Variants in TMC1 observed in about 807,000 individuals in gnomAD.
TMC1 encodes the protein transmembrane channel-like protein 1.
TMC1 carries 84 observed loss-of-function variants against 105.8 expected under a neutral mutation model. That is an observed-to-expected ratio of 0.79 (90% CI 0.67 to 0.95). The LOEUF (loss-of-function observed/expected upper bound fraction) is 0.95. Among genes scored for constraint, TMC1 ranks in the 40% least tolerant of loss-of-function variants. The probability of loss-of-function intolerance (pLI) is 0.00; values close to 1 mark genes in which losing one functional copy is unlikely to be tolerated. For missense variants in TMC1, 817 were observed against 914.1 expected (o/e 0.89, Z 1.37); for synonymous variants, 315 against 311.5 (o/e 1.01, Z -0.12).
intron 13 of TMC1, among the ~76,000 whole-genome samples, chr9:72,778,994 C>CCCCA (rs2118148101): frequency 6.6e-6 from 1 of 152,344 alleles, no homozygotes; most frequent in East Asian, 1.9e-4. Context: ...TGAGCACAGA[C>CCCCA]CCCACTGCCA....
At chr9:72,713,097 A>G in intron 8 of TMC1, among the ~76,000 whole-genome samples, 1 of 152,106 alleles carries the variant, frequency 6.6e-6, no homozygotes, top group Non-Finnish European at 1.5e-5. Context: ...CATATGTTGA[A>G]CCAGCCTTGC....
At chr9:72,757,162 G>A (rs1254535949) in intron 12 of TMC1, among the ~76,000 whole-genome samples, 1 of 152,158 alleles carries the variant, frequency 6.6e-6, no homozygotes, top group Non-Finnish European at 1.5e-5. Context: ...TCACTTACAG[G>A]CTTGCTGCAT....
At chr9:72,646,149 A>G (rs926955645) in intron 4 of TMC1, among the ~76,000 whole-genome samples, 1 of 152,324 alleles carries the variant, frequency 6.6e-6, no homozygotes, top group Non-Finnish European at 1.5e-5. Flanking sequence ...TGACTATTGC[A>G]TAATTTACAT....
intron 8 of TMC1, among the ~76,000 whole-genome samples, chr9:72,707,574 A>G (rs150108785): frequency 2.6e-5 from 4 of 152,180 alleles, no homozygotes; most frequent in Non-Finnish European, 4.4e-5. Flanking sequence ...AAAATTGTCT[A>G]TTCATGACCT....
chr9:72,721,363 G>A lies in TMC1; in HGVS notation c.363-18756G>A, dbSNP rs187725565. 3.4e-3 allele frequency among the ~76,000 whole-genome samples: 523 copies of A among 152,252 alleles called. 4 individuals carry two copies. Among genetic ancestry groups the A allele is most frequent in the African/African-American group, 0.012 (504 of 41,556 alleles). Reference sequence around the variant, plus strand: ...CAGTTCTCTGGCCTTTGGAAGCTTAGGGCTGTTTTCCTCTTTGTCCTGTCA... The same window carrying A: ...CAGTTCTCTGGCCTTTGGAAGCTTAAGGCTGTTTTCCTCTTTGTCCTGTCA... On this transcript the variant is annotated intron_variant, in intron 8 of 23. Transcript: ENST00000297784.
At chr9:72,598,664 A>G (rs1177243093) in intron 2 of TMC1, among the ~76,000 whole-genome samples, 2 of 152,142 alleles carry the variant, frequency 1.3e-5, no homozygotes, top group East Asian at 1.9e-4. Context: ...TCTGCCTGCT[A>G]GGAAGGCCCA....
chr9:72,825,599 A>AC (rs1828938867), intron 20 of TMC1, among the ~76,000 whole-genome samples: 1 of 152,102 alleles, frequency 6.6e-6, no homozygotes, highest in Non-Finnish European at 1.5e-5. Flanking sequence ...CCCCACTCTA[A>AC]CTACGTTCAT....
At chr9:72,834,027 GT>G (rs759009636) in intron 23 of TMC1, among the ~76,000 whole-genome samples, 1,559 of 118,316 alleles carry the variant, frequency 0.013, 12 homozygotes, top group African/African-American at 0.031. Flanking sequence ...TCCATTTTCT[GT>G]TTTTTTTTTT....
At chr9:72,696,292 T>TTGAGAA (rs1826549356) in intron 7 of TMC1, among the ~76,000 whole-genome samples, 1 of 152,132 alleles carries the variant, frequency 6.6e-6, no homozygotes, top group East Asian at 1.9e-4. Context: ...CATTTTGATC[T>TTGAGAA]TGAGAATCAA....
At chr9:72,534,987 T>C (rs1014252937) in intron 1 of TMC1, among the ~76,000 whole-genome samples, 12 of 152,096 alleles carry the variant, frequency 7.9e-5, no homozygotes, top group African/African-American at 2.9e-4. Context: ...ATTATCTAAG[T>C]TGATGCTTGC....
chr9:72,668,497 A>G (rs76118523), intron 5 of TMC1, among the ~76,000 whole-genome samples: 3 of 152,314 alleles, frequency 2.0e-5, no homozygotes, highest in Non-Finnish European at 2.9e-5. Context: ...TCTCTGTACA[A>G]TGAGGATCAT....
chr9:72,585,948 T>C (rs771014357), intron 2 of TMC1, among the ~76,000 whole-genome samples: 10 of 152,134 alleles, frequency 6.6e-5, no homozygotes, highest in African/African-American at 1.2e-4. Flanking sequence ...TGTTTGACTT[T>C]GGTAGCTATT....
intron 7 of TMC1, among the ~76,000 whole-genome samples, chr9:72,696,715 G>C (rs1826557042): frequency 6.6e-6 from 1 of 152,092 alleles, no homozygotes; most frequent in Non-Finnish European, 1.5e-5. Flanking sequence ...TAGACATTTT[G>C]GAGTATTTCC....
intron 5 of TMC1, among the ~76,000 whole-genome samples, chr9:72,672,771 A>G (rs2132170042): frequency 6.6e-6 from 1 of 151,246 alleles, no homozygotes; most frequent in Non-Finnish European, 1.5e-5. Context: ...CATGCCTGTA[A>G]TTCCAGCACT....
At chr9:72,585,991 C>T (rs1377789030) in intron 2 of TMC1, among the ~76,000 whole-genome samples, 1 of 152,126 alleles carries the variant, frequency 6.6e-6, no homozygotes, top group Non-Finnish European at 1.5e-5. Context: ...TTGAGAAGAA[C>T]CTGGGGGAGA....
At chr9:72,595,968 C>G (rs569078392) in intron 2 of TMC1, among the ~76,000 whole-genome samples, 1 of 151,810 alleles carries the variant, frequency 6.6e-6, no homozygotes, top group Non-Finnish European at 1.5e-5. Flanking sequence ...CCTCTGCCTC[C>G]TGGGTTCAAG....
chr9:72,659,493 G>T (rs1410702239), intron 5 of TMC1, among the ~76,000 whole-genome samples: 1 of 152,136 alleles, frequency 6.6e-6, no homozygotes, highest in South Asian at 2.1e-4. Context: ...AATTAGCCAG[G>T]TGTGGTGGCA....
At chr9:72,590,908 A>G (rs1359408970) in intron 2 of TMC1, among the ~76,000 whole-genome samples, 1 of 152,152 alleles carries the variant, frequency 6.6e-6, no homozygotes, top group Non-Finnish European at 1.5e-5. Context: ...ACCTACCCTT[A>G]GTATAAGAGG....
At chr9:72,628,385 A>G (rs1825387172) in intron 4 of TMC1, 2 of 202,266 alleles carry the variant, frequency 9.9e-6, no homozygotes, top group South Asian at 1.6e-4. Flanking sequence ...TCTGGTTGGC[A>G]GATGAATGCA....
Sources: allele counts gnomAD v4.1 joint callset (sites outside exome capture counted in the v4.1 genomes callset), GRCh38; gene constraint gnomAD v4.1.1; transcripts MANE v1.5; gene names NCBI Gene and HGNC (gene_info 2026-07-23, HGNC 2026-07-21).